NLRP11: variants seen among roughly 807,000 people sequenced by gnomAD.
NLRP11 encodes the protein NLR family pyrin domain containing 11, also known as NACHT, LRR and PYD domains-containing protein 11.
A neutral mutation model predicts 79.3 loss-of-function variants in NLRP11; 53 were observed. The ratio of observed to expected loss-of-function variants is 0.67; its 90% CI spans 0.54 to 0.84. The LOEUF is 0.84. Among genes scored for constraint, NLRP11 ranks in the 40% least tolerant of loss-of-function variants. NLRP11 has a pLI of 0.00. For missense variants in NLRP11, 1,264 were observed against 1,255.0 expected (o/e 1.01, Z -0.11); for synonymous variants, 518 against 462.6 (o/e 1.12, Z -1.54).
At chr19:55,793,928 C>T (rs1011071954) in intron 6 of NLRP11, among the ~76,000 whole-genome samples, 18 of 152,128 alleles carry the variant, frequency 1.2e-4, no homozygotes, top group African/African-American at 4.1e-4. Context: ...CATTTGCATA[C>T]TATTTTCCAG....
intron 5 of NLRP11, among the ~76,000 whole-genome samples, chr19:55,800,579 C>T (rs975382935): frequency 1.3e-4 from 20 of 151,980 alleles, no homozygotes; most frequent in Middle Eastern, 3.2e-3. Flanking sequence ...CCTCCCAAAG[C>T]GCTGGGATTA....
At chr19:55,823,431 G>A (rs1248613643) in intron 1 of NLRP11, among the ~76,000 whole-genome samples, 1 of 140,128 alleles carries the variant, frequency 7.1e-6, no homozygotes, top group Non-Finnish European at 1.5e-5. Context: ...TTGAGGAGCT[G>A]AGAGAAGAAG....
chr19:55,789,168 T>C (rs182874319), intron 8 of NLRP11, 61 bp downstream of exon 8: 167 of 1,522,954 alleles, frequency 1.1e-4, no homozygotes, highest in Non-Finnish European at 2.6e-5. Flanking sequence ...CCACTTCCTC[T>C]TGTGCTTTTC....
chr19:55,812,126 A>G (rs1980663329), intron 2 of NLRP11, among the ~76,000 whole-genome samples: 1 of 152,226 alleles, frequency 6.6e-6, no homozygotes, highest in South Asian at 2.1e-4. Flanking sequence ...GTAAAATTAA[A>G]AAAAAATGAA....
At chr19:55,789,014 C>A in intron 8 of NLRP11, 37 bp from the exon 9 acceptor site, 1 of 1,609,746 alleles carries the variant, frequency 6.2e-7, no homozygotes, top group Non-Finnish European at 8.5e-7. Context: ...GGGGCCAAAT[C>A]CTTGAGGAAA....
chr19:55,828,196 C>T (rs372887482), intron 1 of NLRP11, among the ~76,000 whole-genome samples: 3 of 149,584 alleles, frequency 2.0e-5, no homozygotes, highest in Non-Finnish European at 4.4e-5. Flanking sequence ...TGTTCTCACT[C>T]ATAGGTGGGA....
chr19:55,801,648 T>C, exon 5 of NLRP11: 6 of 1,613,852 alleles, frequency 3.7e-6, no homozygotes, highest in Non-Finnish European at 3.4e-6. Context: ...GAAATGGACG[T>C]ACAGTTGATA....
At chr19:55,829,199 CATTT>C (rs1168643389) in intron 1 of NLRP11, among the ~76,000 whole-genome samples, 2 of 112,128 alleles carry the variant, frequency 1.8e-5, no homozygotes, top group Non-Finnish European at 3.3e-5. Context: ...CACAATATTG[CATTT>C]TTTTTTTTTT....
chr19:55,819,013 A>T (rs1304799784), intron 1 of NLRP11, among the ~76,000 whole-genome samples: 1 of 152,054 alleles, frequency 6.6e-6, no homozygotes, highest in Non-Finnish European at 1.5e-5. Context: ...TGCTCCCAAC[A>T]TCTGCCAGCA....
intron 1 of NLRP11, among the ~76,000 whole-genome samples, chr19:55,829,472 C>T (rs558948291): frequency 2.8e-4 from 43 of 151,840 alleles, no homozygotes; most frequent in Non-Finnish European, 5.7e-4. Flanking sequence ...AGACCCCTAT[C>T]CTGGCTAACA....
exon 4 of NLRP11, chr19:55,807,904 C>T: frequency 6.2e-7 from 1 of 1,613,000 alleles, no homozygotes; most frequent in Non-Finnish European, 8.5e-7. Context: ...AGACAGAATC[C>T]TTTCTGAAAT....
At chr19:55,810,106 C>A in exon 3 of NLRP11, 1 of 1,614,162 alleles carries the variant, frequency 6.2e-7, no homozygotes, top group South Asian at 1.1e-5. Context: ...TGATCCACCT[C>A]AACACAGCCA....
intron 1 of NLRP11, among the ~76,000 whole-genome samples, chr19:55,829,745 GTT>G (rs899256134): frequency 4.0e-5 from 6 of 150,114 alleles, no homozygotes; most frequent in African/African-American, 1.5e-4. Context: ...AGTATGAACT[GTT>G]TGAGTCTAAA....
chr19:55,804,118 G>A (rs1979749638), intron 4 of NLRP11, among the ~76,000 whole-genome samples: 1 of 152,164 alleles, frequency 6.6e-6, no homozygotes, highest in South Asian at 2.1e-4. Context: ...ATGTGTGTGT[G>A]TGTATAAATA....
chr19:55,788,741 C>CAAAAAAAAA (rs58239530), intron 9 of NLRP11, 66 bp downstream of exon 9: 40 of 380,446 alleles, frequency 1.1e-4, no homozygotes, highest in African/African-American at 6.1e-4. Context: ...CTCTGTCTCT[C>CAAAAAAAAA]AAAAAAAAAA....
Position 55,796,068 on chromosome 19 carries a change from A to G in NLRP11, c.2342+12T>C, listed in dbSNP as rs758061079. ...GAGCTTCTACGTGGTGAGCTCGTCT[A>G]AGCCAACTTACACCAGTGATATAAG... On this transcript the variant is annotated intron_variant, in intron 6 of 9. Transcript: ENST00000589093. 6.2e-6 allele frequency: 10 copies of G among 1,604,232 alleles called. No homozygotes were observed. The highest frequency in any genetic ancestry group is 8.5e-6 in the Non-Finnish European group (10 of 1,171,880).
intron 9 of NLRP11, 103 bp from the exon 10 acceptor site, chr19:55,785,974 G>T: frequency 7.9e-7 from 1 of 1,272,062 alleles, no homozygotes. Context: ...GGGTATTCTT[G>T]GGAGTATCTC....
intron 5 of NLRP11, chr19:55,798,204 G>T: frequency 3.0e-6 from 1 of 337,048 alleles, no homozygotes; most frequent in Non-Finnish European, 4.2e-6. Flanking sequence ...TCGCCATGTT[G>T]GTCAGGCTGT....
chr19:55,808,930 C>A (rs369119219), exon 3 of NLRP11: 1 of 1,613,968 alleles, frequency 6.2e-7, no homozygotes, highest in African/African-American at 1.3e-5. Flanking sequence ...CATCCACAAT[C>A]GTCTTCACAA....
Sources: allele counts gnomAD v4.1 joint callset (sites outside exome capture counted in the v4.1 genomes callset), GRCh38; gene constraint gnomAD v4.1.1; transcripts MANE v1.5; gene names NCBI Gene and HGNC (gene_info 2026-07-23, HGNC 2026-07-21).